The following CDC14A variants were observed in gnomAD, a reference collection of about 807,000 sequenced individuals.
The protein encoded by CDC14A is cell division cycle 14A.
Under a neutral mutation model 74.4 loss-of-function variants are expected in CDC14A, and 53 were observed. The ratio of observed to expected loss-of-function variants is 0.71; its 90% CI spans 0.57 to 0.89. The LOEUF is 0.89. Ranked by LOEUF, CDC14A falls within the 40% of genes least tolerant of loss-of-function variation. The pLI is 0.00. For missense variants in CDC14A, 646 were observed against 713.7 expected (o/e 0.91, Z 1.08); for synonymous variants, 247 against 258.4 (o/e 0.96, Z 0.43).
intron 8 of CDC14A, among the ~76,000 whole-genome samples, chr1:100,461,803 TAA>T (rs35986415): frequency 6.6e-6 from 1 of 152,168 alleles, no homozygotes; most frequent in Admixed American, 6.5e-5. Flanking sequence ...TATTTTTAAC[TAA>T]AAAAATTTAT....
intron 4 of CDC14A, among the ~76,000 whole-genome samples, chr1:100,415,860 A>G (rs1438667078): frequency 2.0e-5 from 3 of 152,250 alleles, no homozygotes; most frequent in East Asian, 1.9e-4. Context: ...TGAGAAATGT[A>G]TAACTTTTTC....
At chr1:100,497,963 A>C (rs748506658) in intron 13 of CDC14A, 122 bp from the exon 14 acceptor site, 229 of 1,019,442 alleles carry the variant, frequency 2.2e-4, no homozygotes, top group Non-Finnish European at 3.1e-4. Flanking sequence ...CGCTGCTGTC[A>C]TCACTATTAG....
intron 10 of CDC14A, among the ~76,000 whole-genome samples, chr1:100,479,628 TA>T (rs950640351): frequency 1.2e-4 from 19 of 152,322 alleles, no homozygotes; most frequent in African/African-American, 4.3e-4. Context: ...TGAAATACTA[TA>T]AAAATCAGAA....
Position 100,448,958 on chromosome 1 carries a change from A to G in CDC14A, c.519+5962A>G, listed in dbSNP as rs756226860. Among the ~76,000 whole-genome samples the G allele has an allele frequency of 4.6e-5, 7 of 152,292 alleles. 1 individual carries two copies. In the South Asian group the frequency reaches 8.3e-4, roughly 18 times the overall value. ...TGTGCCTCATTCTGCAGAAGTTGCC[A>G]TATTTGAGTCTTGCTTCAAGCCCCT... On this transcript the variant is annotated intron_variant, in intron 7 of 15. Transcript: ENST00000336454.
intron 3 of CDC14A, chr1:100,383,325 G>A (rs936688691): frequency 1.3e-5 from 2 of 152,568 alleles, no homozygotes; most frequent in African/African-American, 4.8e-5. Context: ...TTAATCAAAT[G>A]TGCCATTTCA....
intron 2 of CDC14A, among the ~76,000 whole-genome samples, chr1:100,358,443 G>C (rs1181773885): frequency 1.3e-5 from 2 of 152,348 alleles, no homozygotes; most frequent in East Asian, 1.9e-4. Flanking sequence ...AGTTTGCTGG[G>C]AAGGATAGTG....
Position 100,484,399 on chromosome 1 carries a change from T to A in CDC14A, c.1085T>A (p.Met362Lys). The stretch of plus-strand genomic sequence containing the variant: ...AAAATTCTTTCTGGCCTAGATGATA[T>A]GTCTATTGGTGGAAATCTTTCAAAA... ...INKILSGLDD[M>K]SIGGNLSKTQ... Residue 362 changes from methionine to lysine, a missense_variant, in exon 11 of 16, where the codon ATG becomes AAG. Physicochemically the swap from Met to Lys is moderately conservative, Grantham distance 95. Transcript: ENST00000336454. 6.2e-7 allele frequency: 1 copy of A among 1,608,506 alleles called. No homozygotes were observed. Among genetic ancestry groups the A allele is most frequent in the Non-Finnish European group, 8.5e-7 (1 of 1,177,522 alleles).
upstream of CDC14A, chr1:100,352,458 G>A (rs1651185690): frequency 3.0e-6 from 3 of 1,011,346 alleles, no homozygotes; most frequent in East Asian, 2.2e-4. Context: ...AGGGGGAGGA[G>A]GAGGAGGAAG....
intron 5 of CDC14A, 26 bp from the exon 6 acceptor site, chr1:100,439,906 A>T: frequency 6.5e-7 from 1 of 1,545,102 alleles, no homozygotes; most frequent in Non-Finnish European, 8.9e-7. Flanking sequence ...GCAAGTTTTT[A>T]ATGTTGAGTT....
chr1:100,495,694 A>C (rs550297823), intron 12 of CDC14A, among the ~76,000 whole-genome samples: 1 of 152,214 alleles, frequency 6.6e-6, no homozygotes, highest in African/African-American at 2.4e-5. Context: ...ACAGATTCAC[A>C]GGGAATTTAG....
intron 10 of CDC14A, among the ~76,000 whole-genome samples, chr1:100,476,170 G>C (rs919806008): frequency 6.6e-6 from 1 of 152,050 alleles, no homozygotes; most frequent in African/African-American, 2.4e-5. Context: ...TATCAGCTCT[G>C]GGCTGGGCAC....
intron 10 of CDC14A, among the ~76,000 whole-genome samples, chr1:100,482,762 A>G (rs1669610896): frequency 6.6e-6 from 1 of 150,694 alleles, no homozygotes; most frequent in Non-Finnish European, 1.5e-5. Context: ...ATTCTTTTCA[A>G]CCTATCTCTC....
chr1:100,481,810 A>G (rs1423920367), intron 10 of CDC14A, among the ~76,000 whole-genome samples: 2 of 152,202 alleles, frequency 1.3e-5, no homozygotes, highest in Non-Finnish European at 2.9e-5. Context: ...ATGTACTTTG[A>G]GCTGGTGTGT....
Position 100,354,133 on chromosome 1 carries a change from C to G in CDC14A, c.140+281C>G, listed in dbSNP as rs149981742. Among the ~76,000 whole-genome samples the G allele has an allele frequency of 4.0e-3, 603 of 152,280 alleles. 5 individuals carry two copies. The highest frequency in any genetic ancestry group is 0.014 in the African/African-American group (583 of 41,566). On this transcript the variant is annotated intron_variant, in intron 2 of 15. Transcript: ENST00000336454. ...ATTCCTAACATTCCCCAGAGTAGGA[C>G]CAGGGAGACACACTGTCATTGCCAG...
At chr1:100,478,399 G>A (rs143070881) in intron 10 of CDC14A, among the ~76,000 whole-genome samples, 1 of 152,092 alleles carries the variant, frequency 6.6e-6, no homozygotes, top group Non-Finnish European at 1.5e-5. Flanking sequence ...ATCACAGATA[G>A]ATAGATCTAT....
chr1:100,473,265 A>C (rs1668561523), intron 10 of CDC14A, among the ~76,000 whole-genome samples: 1 of 151,796 alleles, frequency 6.6e-6, no homozygotes, highest in Non-Finnish European at 1.5e-5. Context: ...AGTTTTCTGG[A>C]TGCAAGTCCT....
rs549556142 is a variant in CDC14A, at chr1:100,484,347, C to A, written c.1033C>A (p.Arg345=). The change falls in exon 11 of 16, where the codon CGA becomes AGA. Residue 345 remains arginine (R), a synonymous_variant. Transcript: ENST00000336454. ...GDIFRSKLKN[R]PSSEGSINKI... is the part of the protein sequence containing the mutation. ...CATTTTCCGATCCAAACTGAAAAAT[C>A]GACCATCCAGTGAAGGAAGTATTAA... The A allele has an allele frequency of 8.1e-5, 129 of 1,600,376 alleles. 1 individual carries two copies. In the South Asian group the frequency reaches 1.3e-3, roughly 16 times the overall value.
At chr1:100,371,026 T>C (rs745761652) in intron 2 of CDC14A, among the ~76,000 whole-genome samples, 21 of 152,230 alleles carry the variant, frequency 1.4e-4, no homozygotes, top group Admixed American at 2.6e-4. Context: ...TCATGTTGGT[T>C]AGATGTATTC....
At chr1:100,461,337 A>C (rs1321577323) in intron 8 of CDC14A, among the ~76,000 whole-genome samples, 1 of 152,242 alleles carries the variant, frequency 6.6e-6, no homozygotes, top group Non-Finnish European at 1.5e-5. Context: ...GTCACAGAGC[A>C]TAAGAGTCGG....
Sources: gnomAD v4.1 joint callset for allele counts (sites outside exome capture counted in the v4.1 genomes callset) on GRCh38, gnomAD v4.1.1 for gene constraint, MANE v1.5 for transcripts, NCBI Gene and HGNC (gene_info 2026-07-23, HGNC 2026-07-21) for gene names.